Variants in RIMS1 observed in about 807,000 individuals in gnomAD.
The protein encoded by RIMS1 is regulating synaptic membrane exocytosis 1, also known as regulating synaptic membrane exocytosis protein 1.
A neutral mutation model predicts 214.1 loss-of-function variants in RIMS1; 83 were observed. The observed-to-expected ratio is 0.39, with a 90% CI of 0.32 to 0.47. RIMS1 has a LOEUF of 0.47. Ranked by LOEUF, RIMS1 falls within the 20% of genes least tolerant of loss-of-function variation. RIMS1 has a pLI of 0.99. For missense variants in RIMS1, 2,050 were observed against 2,161.8 expected, an observed-to-expected ratio of 0.95 and a Z score of 1.03; for synonymous variants, 793 against 786.8, an observed-to-expected ratio of 1.01 and a Z score of -0.13.
intron 1 of RIMS1, among the ~76,000 whole-genome samples, chr6:71,906,871 A>G (rs1165358333): frequency 6.6e-6 from 1 of 152,302 alleles, no homozygotes; most frequent in Non-Finnish European, 1.5e-5. Context: ...TTTGGCTATA[A>G]TAATGATTAT....
At chr6:72,039,124 T>G (rs1176102727) in intron 2 of RIMS1, among the ~76,000 whole-genome samples, 1 of 150,348 alleles carries the variant, frequency 6.7e-6, no homozygotes, top group Non-Finnish European at 1.5e-5. Flanking sequence ...ATTCATTTCT[T>G]CTCCAGAAAC....
In RIMS1 at chr6:72,313,614, C is replaced by T. The variant is rs765099299; in HGVS notation, c.4072C>T (p.Arg1358Cys). The change falls in exon 28 of 34, where the codon CGC becomes TGC. Residue 1358 changes from arginine to cysteine, a missense_variant. By Grantham distance (180) the Arg-to-Cys change is radical. Around this residue, in one of 6 missense-constraint regions of RIMS1, gnomAD observed 889 missense variants for 885.5 expected, o/e 1.00. Coordinates refer to ENST00000521978, the MANE Select transcript of RIMS1 (RefSeq NM_014989.7). ...CATTTCCCGAACCAGCAGTGCCTCACGCCTCAGCAGCACAAGCTTTATGTC... is the reference window on the plus strand; with the variant it reads ...CATTTCCCGAACCAGCAGTGCCTCATGCCTCAGCAGCACAAGCTTTATGTC... ...SAISRTSSAS[R>C]LSSTSFMSEQ... 9.9e-6 allele frequency: 16 copies of T among 1,613,514 alleles called. No individual in the cohort carries two copies. Among genetic ancestry groups the T allele is most frequent in the Middle Eastern group, 1.6e-4 (1 of 6,084 alleles).
chr6:72,171,750 A>G (rs992905840), intron 4 of RIMS1, among the ~76,000 whole-genome samples: 10 of 152,172 alleles, frequency 6.6e-5, no homozygotes, highest in Non-Finnish European at 1.2e-4. Context: ...TTGCAGGTTG[A>G]CAGTGAAATG....
chr6:72,060,478 G>A (rs1329496170), intron 2 of RIMS1, among the ~76,000 whole-genome samples: 1 of 151,992 alleles, frequency 6.6e-6, no homozygotes, highest in Non-Finnish European at 1.5e-5. Flanking sequence ...TCCTGTTCTG[G>A]CCTCTACCTG....
chr6:72,370,372 C>A (rs1375115991), intron 29 of RIMS1, among the ~76,000 whole-genome samples: 1 of 152,126 alleles, frequency 6.6e-6, no homozygotes, highest in South Asian at 2.1e-4. Flanking sequence ...AAAGACCATT[C>A]GGGACCTTTG....
At chr6:72,125,896 G>T (rs1434273275) in intron 4 of RIMS1, among the ~76,000 whole-genome samples, 1 of 152,146 alleles carries the variant, frequency 6.6e-6, no homozygotes, top group African/African-American at 2.4e-5. Context: ...CATCTGTCAC[G>T]GCTTCCCTTG....
Position 72,401,421 on chromosome 6 carries a change from T to C in RIMS1, c.*707T>C, listed in dbSNP as rs1397472754. Reference sequence around the variant, plus strand: ...AATTATTTAAAGTCTTATGTGTGGATACCCAAGAGACAAAAAGTTATCTTC... The same window carrying C: ...AATTATTTAAAGTCTTATGTGTGGACACCCAAGAGACAAAAAGTTATCTTC... On this transcript the variant is annotated 3_prime_UTR_variant, in exon 34 of 34. Transcript: ENST00000521978. 6.6e-6 allele frequency: 1 copy of C among 152,550 alleles called. No homozygotes were observed. Among genetic ancestry groups the C allele is most frequent in the Non-Finnish European group, 1.5e-5 (1 of 68,028 alleles). 9.4% of individuals were successfully genotyped at this position (152,550 alleles called of 1,614,324 possible).
intron 4 of RIMS1, among the ~76,000 whole-genome samples, chr6:72,167,476 C>T (rs756843964): frequency 4.6e-5 from 7 of 152,058 alleles, no homozygotes; most frequent in Non-Finnish European, 1.0e-4. Flanking sequence ...TGGTTCTCCT[C>T]CCTCTTTTTA....
chr6:72,209,537 T>A (rs1479848462), intron 6 of RIMS1, among the ~76,000 whole-genome samples: 1 of 152,224 alleles, frequency 6.6e-6, no homozygotes, highest in Non-Finnish European at 1.5e-5. Flanking sequence ...TGTTTTTAGC[T>A]GTATGCAATC....
At chr6:72,388,678 C>A (rs1034051174) in intron 29 of RIMS1, among the ~76,000 whole-genome samples, 2 of 152,076 alleles carry the variant, frequency 1.3e-5, no homozygotes, top group African/African-American at 4.8e-5. Context: ...GAAGAATGAC[C>A]AGACTTGTGA....
At chr6:72,282,021 A>C (rs188077370) in intron 23 of RIMS1, among the ~76,000 whole-genome samples, 1 of 151,894 alleles carries the variant, frequency 6.6e-6, no homozygotes, top group Non-Finnish European at 1.5e-5. Flanking sequence ...ATATACATGC[A>C]CAAGTGTTTG....
intron 25 of RIMS1, among the ~76,000 whole-genome samples, chr6:72,291,256 G>C (rs1034083027): frequency 6.6e-6 from 1 of 152,132 alleles, no homozygotes; most frequent in South Asian, 2.1e-4. Flanking sequence ...AGTGTTAAGA[G>C]TGTTTTAAAG....
rs866332332 is a variant in RIMS1 at position 72,151,244 on chromosome 6, G to A, written c.472-28331G>A. ...TTTTTAGTAGAGACGGGGTTTCACC[G>A]TGTTAGCCAGGATGGTCTCGATCTC... On this transcript the variant is annotated intron_variant, in intron 4 of 33. Transcript: ENST00000521978. 2.4e-4 allele frequency among the ~76,000 whole-genome samples: 37 copies of A among 151,932 alleles called. 1 individual carries two copies. Among genetic ancestry groups the A allele is most frequent in the African/African-American group, 5.5e-4 (23 of 41,480 alleles).
chr6:72,176,903 T>C (rs2153964203), intron 4 of RIMS1, among the ~76,000 whole-genome samples: 1 of 152,340 alleles, frequency 6.6e-6, no homozygotes, highest in South Asian at 2.1e-4. Flanking sequence ...ATAAATTGTG[T>C]TTCTTTTAAT....
chr6:72,009,185 C>A (rs1387519430), intron 2 of RIMS1, among the ~76,000 whole-genome samples: 7 of 152,138 alleles, frequency 4.6e-5, no homozygotes, highest in Admixed American at 2.0e-4. Context: ...CAAAACAGCT[C>A]AACTACATGG....
intron 2 of RIMS1, among the ~76,000 whole-genome samples, chr6:72,083,992 C>A (rs1337778152): frequency 1.3e-5 from 2 of 152,064 alleles, no homozygotes; most frequent in Non-Finnish European, 2.9e-5. Context: ...AGTAACATAA[C>A]AAAGCAATTT....
chr6:72,141,602 A>G (rs1323849730), intron 4 of RIMS1, among the ~76,000 whole-genome samples: 1 of 152,006 alleles, frequency 6.6e-6, no homozygotes, highest in Non-Finnish European at 1.5e-5. Flanking sequence ...AAATAAGGAG[A>G]GTCCTAATTA....
chr6:72,374,204 C>T (rs1490449062), intron 29 of RIMS1, among the ~76,000 whole-genome samples: 6 of 152,176 alleles, frequency 3.9e-5, no homozygotes, highest in Admixed American at 6.5e-5. Flanking sequence ...TGAGCCACTG[C>T]GCCTGGCCCT....
At chr6:72,317,816 T>A (rs1349547011) in intron 28 of RIMS1, among the ~76,000 whole-genome samples, 1 of 152,188 alleles carries the variant, frequency 6.6e-6, no homozygotes, top group Non-Finnish European at 1.5e-5. Context: ...CCTATTCGAT[T>A]TGGTATTTAC....
Sources: gnomAD v4.1 joint callset for allele counts (sites outside exome capture counted in the v4.1 genomes callset) on GRCh38, gnomAD v4.1.1 for gene constraint, gnomAD v4.1.1 regional missense constraint, MANE v1.5 for transcripts, NCBI Gene and HGNC (gene_info 2026-07-23, HGNC 2026-07-21) for gene names.